The following STS variants were observed in gnomAD, a reference collection of about 807,000 sequenced individuals.
STS encodes the protein steryl-sulfatase.
A neutral mutation model predicts 26.8 loss-of-function variants in STS; 7 were observed. The ratio of observed to expected loss-of-function variants is 0.26; its 90% CI spans 0.15 to 0.49. The LOEUF is 0.49. Ranked by LOEUF, STS falls within the 20% of genes least tolerant of loss-of-function variation. The pLI, the probability that STS is intolerant of heterozygous loss-of-function variation, is 0.98. For missense variants in STS, 434 were observed against 465.6 expected (o/e 0.93, Z 0.63); for synonymous variants, 199 against 189.4 (o/e 1.05, Z -0.42).
At chrX:7,275,082 G>A (rs746760022) in intron 6 of STS, among the ~76,000 whole-genome samples, 1 of 110,581 alleles carries the variant, frequency 9.0e-6, no homozygotes, top group African/African-American at 3.3e-5. Flanking sequence ...TGGAATCTAA[G>A]AAGAAAGTTG....
chrX:7,179,277 C>T (rs1344390625), intron 1 of STS, among the ~76,000 whole-genome samples: 1 of 109,384 alleles, frequency 9.1e-6, no homozygotes, highest in Non-Finnish European at 1.9e-5. Flanking sequence ...AGTGATAACT[C>T]GCTTTCTCTA....
chrX:7,286,417 A>C lies in STS; in HGVS notation c.943+10330A>C, dbSNP rs770787933. Among the ~76,000 whole-genome samples, 97 of 111,021 alleles carry C rather than the reference A, an allele frequency of 8.7e-4. 1 individual carries two copies. The highest frequency in any genetic ancestry group is 1.6e-3 in the Non-Finnish European group (86 of 53,046). Reference sequence around the variant, plus strand: ...GTCATTGCACACCCGTATTGCTGAGATTGCTGTGATAATCATGAAATTGCA... The same window carrying C: ...GTCATTGCACACCCGTATTGCTGAGCTTGCTGTGATAATCATGAAATTGCA... On this transcript the variant is annotated intron_variant, in intron 7 of 10. Coordinates refer to ENST00000674429, the MANE Select transcript of STS (RefSeq NM_001320752.2).
intron 7 of STS, among the ~76,000 whole-genome samples, chrX:7,290,703 G>A (rs1225913159): frequency 8.9e-6 from 1 of 112,138 alleles, no homozygotes; most frequent in Non-Finnish European, 1.9e-5. Context: ...TGACCAGATT[G>A]CATGTGATTC....
At chrX:7,325,187 T>C (rs752448928) in intron 8 of STS, 152 bp from the exon 9 acceptor site, 20 of 577,759 alleles carry the variant, frequency 3.5e-5, no homozygotes, top group Admixed American at 3.0e-4. Context: ...CAATACAACA[T>C]ATACTATATT....
chrX:7,238,121 GGTGTGTGT>G (rs55819541), intron 2 of STS, among the ~76,000 whole-genome samples: 1,077 of 88,258 alleles, frequency 0.012, 4 homozygotes, highest in African/African-American at 0.021. Context: ...AGTATTCCAT[GGTGTGTGT>G]GTGTGTGTGT....
chrX:7,205,101 G>C (rs1004211277), intron 2 of STS, among the ~76,000 whole-genome samples: 2 of 111,657 alleles, frequency 1.8e-5, no homozygotes, highest in African/African-American at 6.5e-5. Flanking sequence ...AACGGAAGAA[G>C]AAATATAAGA....
intron 2 of STS, among the ~76,000 whole-genome samples, chrX:7,244,112 G>A (rs1922751227): frequency 9.0e-6 from 1 of 111,619 alleles, no homozygotes; most frequent in African/African-American, 3.3e-5. Flanking sequence ...CTAATGTGTA[G>A]GAGTAAGGAT....
chrX:7,259,878 G>T, intron 6 of STS, 106 bp downstream of exon 6: 3 of 1,040,432 alleles, frequency 2.9e-6, no homozygotes, highest in Non-Finnish European at 4.0e-6. Flanking sequence ...GTTGTTTGTG[G>T]TTTGTTCGTT....
intron 6 of STS, among the ~76,000 whole-genome samples, chrX:7,265,921 GGTGACACCACCATGT>G (rs1380794955): frequency 8.9e-6 from 1 of 111,971 alleles, no homozygotes; most frequent in Non-Finnish European, 1.9e-5. Context: ...TCCTAACATT[GGTGACACCACCATGT>G]TCATAAAACA....
rs775295537 is a variant in STS at position 7,171,951 on chromosome X, A to C, written c.-133-18929A>C. ...GTTTATTTTACATTGCATTTAATTC[A>C]CCGAGTTGTACAATTCAATGGTTTT... On this transcript the variant is annotated intron_variant, in intron 1 of 10. Coordinates refer to ENST00000674429, the MANE Select transcript of STS (RefSeq NM_001320752.2). 2.7e-5 allele frequency among the ~76,000 whole-genome samples: 3 copies of C among 112,091 alleles called. No homozygotes were observed. In the East Asian group the frequency reaches 8.4e-4, roughly 31 times the overall value.
intron 1 of STS, among the ~76,000 whole-genome samples, chrX:7,177,796 C>G (rs1463782350): frequency 1.8e-5 from 2 of 110,767 alleles, no homozygotes; most frequent in Admixed American, 1.9e-4. Flanking sequence ...CAGATGTGAG[C>G]CACCATGCCC....
intron 1 of STS, among the ~76,000 whole-genome samples, chrX:7,174,926 C>CAT (rs1281346990): frequency 4.0e-4 from 44 of 111,036 alleles, no homozygotes; most frequent in Non-Finnish European, 6.8e-4. Flanking sequence ...CTCATCAGGC[C>CAT]CACATCCAAG....
At chrX:7,349,834 G>A in intron 10 of STS, 54 bp from the exon 11 acceptor site, 2 of 1,205,400 alleles carry the variant, frequency 1.7e-6, no homozygotes, top group South Asian at 3.5e-5. Flanking sequence ...TTCATTTGTG[G>A]TACATACAAG....
chrX:7,179,105 T>G (rs1327227151), intron 1 of STS, among the ~76,000 whole-genome samples: 6 of 106,770 alleles, frequency 5.6e-5, no homozygotes, highest in Non-Finnish European at 1.2e-4. Context: ...AGTGGTGACT[T>G]ACTTTCTCTA....
At position 7,324,961 on chromosome X, in the gene STS, G is replaced by A. The variant is rs190444348; in HGVS notation, c.1082-378G>A. Among the ~76,000 whole-genome samples the A allele has an allele frequency of 3.1e-3, 340 of 111,115 alleles. 1 individual carries two copies. The highest frequency in any genetic ancestry group is 7.5e-3 in the African/African-American group (229 of 30,587). On this transcript the variant is annotated intron_variant, in intron 8 of 10. Coordinates refer to ENST00000674429, the MANE Select transcript of STS (RefSeq NM_001320752.2). Reference sequence around the variant, plus strand: ...CTCCAGGCTCCAGGAATTTGGATGCGGACACTTGGGGGCACCATTATTTTG... The same window carrying A: ...CTCCAGGCTCCAGGAATTTGGATGCAGACACTTGGGGGCACCATTATTTTG...
intron 1 of STS, among the ~76,000 whole-genome samples, chrX:7,173,956 C>T (rs1401370991): frequency 4.5e-5 from 5 of 111,872 alleles, no homozygotes; most frequent in African/African-American, 1.6e-4. Context: ...ACCAACATAG[C>T]TTGGCATGTG....
At chrX:7,323,490 C>A (rs866279498) in intron 8 of STS, among the ~76,000 whole-genome samples, 21 of 111,507 alleles carry the variant, frequency 1.9e-4, no homozygotes, top group African/African-American at 6.5e-4. Context: ...ATTTTCTGTT[C>A]CTGCATTAAT....
chrX:7,204,318 C>A (rs772405382), intron 2 of STS, among the ~76,000 whole-genome samples: 1 of 111,733 alleles, frequency 8.9e-6, no homozygotes, highest in Non-Finnish European at 1.9e-5. Flanking sequence ...ATAGCATTTT[C>A]CTTGTGTTTA....
At chrX:7,262,659 T>C (rs1478440922) in intron 6 of STS, among the ~76,000 whole-genome samples, 2 of 111,953 alleles carry the variant, frequency 1.8e-5, no homozygotes, top group African/African-American at 6.5e-5. Context: ...ATTTGGAAAT[T>C]GCTGACATTT....
Sources: allele counts gnomAD v4.1 joint callset (sites outside exome capture counted in the v4.1 genomes callset), GRCh38; gene constraint gnomAD v4.1.1; transcripts MANE v1.5; gene names NCBI Gene and HGNC (gene_info 2026-07-23, HGNC 2026-07-21).